Variants in LRRIQ1 observed in about 807,000 individuals in gnomAD.
The protein encoded by LRRIQ1 is leucine-rich repeat- and IQ domain-containing protein 1.
LRRIQ1 carries 210 observed loss-of-function variants against 211.9 expected under a neutral mutation model. The observed-to-expected ratio is 0.99, with a 90% CI of 0.89 to 1.11. The LOEUF is 1.11. LRRIQ1 is among the 50% of genes most tolerant of loss of function. The probability of loss-of-function intolerance (pLI) is 0.00; values close to 1 mark genes in which losing one functional copy is unlikely to be tolerated. For missense variants in LRRIQ1, 2,136 were observed against 1,939.5 expected (o/e 1.10, Z -1.90); for synonymous variants, 699 against 650.1 (o/e 1.08, Z -1.14).
intron 3 of LRRIQ1, among the ~76,000 whole-genome samples, chr12:85,042,356 T>A (rs565327616): frequency 1.8e-4 from 27 of 149,964 alleles, no homozygotes; most frequent in Non-Finnish European, 3.6e-4. Flanking sequence ...TTAATTTAAT[T>A]ATTTAAAATC....
chr12:85,112,989 T>C (rs550351709), intron 15 of LRRIQ1, among the ~76,000 whole-genome samples: 25 of 152,272 alleles, frequency 1.6e-4, no homozygotes, highest in African/African-American at 4.1e-4. Flanking sequence ...TCTCTCTTCA[T>C]TTATTGGGGA....
At chr12:85,258,579 C>T (rs570551984) in intron 1 of LRRIQ1, among the ~76,000 whole-genome samples, 110 of 151,978 alleles carry the variant, frequency 7.2e-4, no homozygotes, top group African/African-American at 2.5e-3. Context: ...ACAGCAGTGA[C>T]CTTACAAAGC....
At chr12:85,055,395 A>C in intron 7 of LRRIQ1, 152 bp from the exon 8 acceptor site, 1 of 553,124 alleles carries the variant, frequency 1.8e-6, no homozygotes, top group Non-Finnish European at 2.7e-6. Flanking sequence ...ACCCTTTAAG[A>C]TAAATGACTT....
At chr12:85,187,723 C>T (rs577090919) in intron 24 of LRRIQ1, among the ~76,000 whole-genome samples, 1 of 150,994 alleles carries the variant, frequency 6.6e-6, no homozygotes, top group Admixed American at 6.6e-5. Flanking sequence ...GCAGGAGAAT[C>T]GCTTGAATCT....
downstream of LRRIQ1, among the ~76,000 whole-genome samples, chr12:85,267,358 C>G (rs112805569): frequency 2.6e-5 from 4 of 151,696 alleles, no homozygotes; most frequent in Non-Finnish European, 5.9e-5. Context: ...TTGTCTTACA[C>G]GAGAAAATTT....
At chr12:85,192,751 AAT>A (rs1355798081) in intron 24 of LRRIQ1, among the ~76,000 whole-genome samples, 2 of 102,624 alleles carry the variant, frequency 1.9e-5, no homozygotes, top group African/African-American at 4.1e-5. Context: ...ATTATATATA[AAT>A]ATATATAGTT....
chr12:85,106,546 T>G lies in LRRIQ1; in HGVS notation c.3308T>G (p.Phe1103Cys), dbSNP rs373466217. 15 of 1,610,728 alleles carry G rather than the reference T, an allele frequency of 9.3e-6. No homozygotes were observed. Among genetic ancestry groups the G allele is most frequent in the Admixed American group, 1.7e-5 (1 of 59,266 alleles). The change falls in exon 15 of 27, where the codon TTT (phenylalanine) becomes TGT (cysteine). Residue 1103 changes from phenylalanine (F) to cysteine (C), a missense_variant. By Grantham distance (205) the Phe-to-Cys change is radical (BLOSUM62 -2). Coordinates refer to ENST00000393217, the MANE Select transcript of LRRIQ1 (RefSeq NM_001079910.2). Reference protein sequence around the residue: ...LSDLKSAIKWFDACYSLHELS... With the variant: ...LSDLKSAIKWCDACYSLHELS... ...GATCTTAAAAGTGCCATAAAATGGT[T>G]TGATGCATGCTATTCTCTCCATGAA...
chr12:85,185,519 TTAAA>T (rs1892183905), intron 24 of LRRIQ1, among the ~76,000 whole-genome samples: 1 of 151,926 alleles, frequency 6.6e-6, no homozygotes, highest in South Asian at 2.1e-4. Flanking sequence ...ATAATAAAGT[TTAAA>T]TATTTAAGTT....
chr12:85,218,194 G>A (rs894127798), intron 24 of LRRIQ1, among the ~76,000 whole-genome samples: 1 of 151,762 alleles, frequency 6.6e-6, no homozygotes, highest in African/African-American at 2.4e-5. Context: ...TTAAAAATAT[G>A]GGTTACATAT....
At chr12:85,057,292 C>A in intron 8 of LRRIQ1, 108 bp downstream of exon 8, 1 of 923,022 alleles carries the variant, frequency 1.1e-6, no homozygotes, top group Non-Finnish European at 1.5e-6. Flanking sequence ...AGAATTGTCT[C>A]TTGTTTAATA....
At chr12:85,134,517 T>C (rs1366232228) in intron 18 of LRRIQ1, among the ~76,000 whole-genome samples, 1 of 152,066 alleles carries the variant, frequency 6.6e-6, no homozygotes, top group Non-Finnish European at 1.5e-5. Flanking sequence ...AGACATTCAG[T>C]AAATTTTGAA....
intron 11 of LRRIQ1, among the ~76,000 whole-genome samples, chr12:85,080,848 G>C (rs951108562): frequency 1.3e-5 from 2 of 150,874 alleles, no homozygotes; most frequent in African/African-American, 2.4e-5. Flanking sequence ...CTTTATTTTT[G>C]GTCACTTAGT....
Position 85,056,425 on chromosome 12 carries a change from C to A in LRRIQ1, c.1632C>A (p.Val544=), listed in dbSNP as rs373674270. The stretch of plus-strand genomic sequence containing the variant: ...AAGAAGAAAAAATCATGAAACATGT[C>A]ATAAATGAGAATACAGGACAAAAAA... ...AQKEEKIMKH[V]INENTGQKTQ... is the part of the protein sequence containing the mutation. Residue 544 remains valine (V), a synonymous_variant, in exon 8 of 27, where the codon GTC becomes GTA. Transcript: ENST00000393217. 2 of 1,593,200 alleles carry A rather than the reference C, an allele frequency of 1.3e-6. No individual in the cohort carries two copies. The highest frequency in any genetic ancestry group is 1.7e-6 in the Non-Finnish European group (2 of 1,174,612).
downstream of LRRIQ1, among the ~76,000 whole-genome samples, chr12:85,246,054 A>G (rs961128898): frequency 1.3e-5 from 2 of 151,156 alleles, no homozygotes; most frequent in Non-Finnish European, 3.0e-5. Context: ...ATAATCATTT[A>G]TATTTATTAA....
chr12:85,042,605 ATTCT>A (rs1417867066), intron 3 of LRRIQ1, among the ~76,000 whole-genome samples: 1 of 150,178 alleles, frequency 6.7e-6, no homozygotes, highest in East Asian at 1.9e-4. Flanking sequence ...TTATGTATTC[ATTCT>A]TATATGAATT....
chr12:85,094,462 T>A (rs146399249), intron 11 of LRRIQ1, among the ~76,000 whole-genome samples: 7 of 152,248 alleles, frequency 4.6e-5, no homozygotes, highest in African/African-American at 1.7e-4. Flanking sequence ...CTATATCCTG[T>A]CCCATTGGTC....
rs560842349 is a variant in LRRIQ1, at chr12:85,046,197, TA to T, written c.454+68del. ...TTTTATATGATTGATCATAGTTATT[TA>T]AAAAAAATTGGACAGTTGATGTTTG... On this transcript the variant is annotated intron_variant, in intron 5 of 26. Transcript: ENST00000393217. 5.7e-4 allele frequency: 565 copies of T among 994,434 alleles called. 3 individuals carry two copies. In the Middle Eastern group the frequency reaches 0.013, roughly 23 times the overall value. 61.6% of individuals were successfully genotyped at this position (994,434 alleles called of 1,614,324 possible).
At chr12:85,155,448 T>C (rs1266676738) in intron 23 of LRRIQ1, among the ~76,000 whole-genome samples, 3 of 151,562 alleles carry the variant, frequency 2.0e-5, no homozygotes, top group East Asian at 1.9e-4. Flanking sequence ...TCTCTAGATA[T>C]AGAATCTAGT....
chr12:85,155,764 C>T (rs1488059308), intron 23 of LRRIQ1, among the ~76,000 whole-genome samples: 1 of 151,700 alleles, frequency 6.6e-6, no homozygotes, highest in Admixed American at 6.6e-5. Flanking sequence ...TGTCAGACTT[C>T]CCATATGATT....
Sources: allele counts gnomAD v4.1 joint callset (sites outside exome capture counted in the v4.1 genomes callset), GRCh38; gene constraint gnomAD v4.1.1; transcripts MANE v1.5; gene names NCBI Gene and HGNC (gene_info 2026-07-23, HGNC 2026-07-21).